The following AUTS2 variants were observed in gnomAD, a reference collection of about 807,000 sequenced individuals.
The protein encoded by AUTS2 is autism susceptibility gene 2 protein.
In AUTS2, 17 loss-of-function variants were observed where a neutral mutation model predicts 112.4. That is an observed-to-expected ratio of 0.15 (90% CI 0.10 to 0.23). The LOEUF is 0.23. AUTS2 is among the 10% of genes least tolerant of loss of function. AUTS2 has a pLI of 1.00. For synonymous variants in AUTS2, 751 were observed against 702.7 expected, an observed-to-expected ratio of 1.07 and a Z score of -1.09; for missense variants, 1,510 against 1,701.6, an observed-to-expected ratio of 0.89 and a Z score of 1.98.
At chr7:70,147,858 C>T (rs1467311477) in intron 4 of AUTS2, among the ~76,000 whole-genome samples, 1 of 152,060 alleles carries the variant, frequency 6.6e-6, no homozygotes, top group Non-Finnish European at 1.5e-5. Flanking sequence ...CTCTAGAAGT[C>T]TTCACTCAGC....
intron 2 of AUTS2, among the ~76,000 whole-genome samples, chr7:69,998,018 C>A (rs1253875676): frequency 1.3e-5 from 2 of 152,066 alleles, no homozygotes; most frequent in African/African-American, 2.4e-5. Flanking sequence ...GGCAGTGAAA[C>A]CCTTTGGTAT....
chr7:70,076,356 G>A (rs1379078625), intron 2 of AUTS2, among the ~76,000 whole-genome samples: 1 of 152,124 alleles, frequency 6.6e-6, no homozygotes, highest in Non-Finnish European at 1.5e-5. Flanking sequence ...TAAGCAAAAT[G>A]ATATATAATG....
At chr7:69,850,286 C>T (rs1465560275) in intron 1 of AUTS2, among the ~76,000 whole-genome samples, 1 of 150,542 alleles carries the variant, frequency 6.6e-6, no homozygotes, top group Non-Finnish European at 1.5e-5. Flanking sequence ...CAGGGTGACA[C>T]TCTGTCTCAA....
intron 1 of AUTS2, among the ~76,000 whole-genome samples, chr7:69,834,965 C>T (rs1009913994): frequency 3.0e-4 from 46 of 151,924 alleles, no homozygotes; most frequent in African/African-American, 1.1e-3. Context: ...TCCGTTTTCT[C>T]TGTACTCCAT....
At chr7:70,633,610 CAA>C (rs71870928) in intron 5 of AUTS2, among the ~76,000 whole-genome samples, 32 of 104,860 alleles carry the variant, frequency 3.1e-4, no homozygotes, top group Non-Finnish European at 2.6e-4. Context: ...GACTCCGTCT[CAA>C]AAAAAAAAAA....
chr7:70,553,543 G>C (rs1801102179), intron 5 of AUTS2, among the ~76,000 whole-genome samples: 1 of 152,098 alleles, frequency 6.6e-6, no homozygotes, highest in African/African-American at 2.4e-5. Context: ...GCCAAGTGTT[G>C]ACTCTGTCTT....
intron 2 of AUTS2, among the ~76,000 whole-genome samples, chr7:70,051,543 C>T (rs1214097372): frequency 1.3e-5 from 2 of 152,014 alleles, no homozygotes; most frequent in Non-Finnish European, 2.9e-5. Context: ...ATGATGAAAC[C>T]CCTTCTCTAC....
chr7:69,679,160 C>G (rs1379681684), intron 1 of AUTS2, among the ~76,000 whole-genome samples: 1 of 152,200 alleles, frequency 6.6e-6, no homozygotes, highest in Non-Finnish European at 1.5e-5. Flanking sequence ...TTGTGACTGG[C>G]CAAGGCCAGA....
intron 1 of AUTS2, among the ~76,000 whole-genome samples, chr7:69,672,348 T>A (rs1019463525): frequency 2.0e-5 from 3 of 152,202 alleles, no homozygotes; most frequent in Non-Finnish European, 1.5e-5. Context: ...TGTGAGCCAC[T>A]GTGCCCTGCT....
intron 4 of AUTS2, among the ~76,000 whole-genome samples, chr7:70,205,370 AAC>A (rs1810518901): frequency 6.6e-6 from 1 of 152,172 alleles, no homozygotes; most frequent in South Asian, 2.1e-4. Flanking sequence ...TCTGTTTGAC[AAC>A]TTATGAAACT....
intron 2 of AUTS2, among the ~76,000 whole-genome samples, chr7:69,973,775 G>A (rs1274033085): frequency 6.6e-6 from 1 of 152,014 alleles, no homozygotes; most frequent in East Asian, 1.9e-4. Flanking sequence ...TGCAAGCCTG[G>A]AAAAAGTTCT....
intron 2 of AUTS2, among the ~76,000 whole-genome samples, chr7:70,044,508 G>T (rs961737418): frequency 6.6e-6 from 1 of 152,004 alleles, no homozygotes; most frequent in East Asian, 1.9e-4. Flanking sequence ...ATAATCCAGC[G>T]TGTGTTAGAT....
At chr7:70,088,797 A>T (rs1156355846) in intron 2 of AUTS2, among the ~76,000 whole-genome samples, 3 of 151,882 alleles carry the variant, frequency 2.0e-5, no homozygotes, top group Non-Finnish European at 4.4e-5. Flanking sequence ...TATTTTTAGT[A>T]GAGACGGGGT....
At chr7:70,312,707 C>T (rs988862945) in intron 4 of AUTS2, among the ~76,000 whole-genome samples, 1 of 152,244 alleles carries the variant, frequency 6.6e-6, no homozygotes, top group Non-Finnish European at 1.5e-5. Context: ...GTCCAAAGTA[C>T]TTCAAGGGTC....
chr7:70,722,044 T>A (rs1786714030), intron 6 of AUTS2, among the ~76,000 whole-genome samples: 1 of 152,160 alleles, frequency 6.6e-6, no homozygotes, highest in South Asian at 2.1e-4. Flanking sequence ...GCTTTTTTTT[T>A]TCTTTCATTT....
At chr7:69,627,510 C>A (rs370431367) in intron 1 of AUTS2, among the ~76,000 whole-genome samples, 2 of 151,428 alleles carry the variant, frequency 1.3e-5, no homozygotes, top group Non-Finnish European at 2.9e-5. Context: ...CCCAAAAAAA[C>A]AAACAAAAAA....
chr7:70,008,760 T>G, intron 2 of AUTS2, among the ~76,000 whole-genome samples: 1 of 152,254 alleles, frequency 6.6e-6, no homozygotes, highest in East Asian at 1.9e-4. Context: ...TTGCTGTTAA[T>G]ATCACAGCCG....
intron 4 of AUTS2, among the ~76,000 whole-genome samples, chr7:70,316,033 A>G (rs1789979466): frequency 1.3e-5 from 2 of 152,228 alleles, no homozygotes; most frequent in South Asian, 4.1e-4. Flanking sequence ...AAAGGCAAAA[A>G]TGGTTGATGC....
intron 2 of AUTS2, among the ~76,000 whole-genome samples, chr7:70,069,369 T>C (rs533639504): frequency 4.6e-5 from 7 of 152,366 alleles, no homozygotes; most frequent in African/African-American, 1.7e-4. Context: ...CATTCATTTA[T>C]TGAGCACTTG....
Sources: allele counts gnomAD v4.1 joint callset (sites outside exome capture counted in the v4.1 genomes callset), GRCh38; gene constraint gnomAD v4.1.1; transcripts MANE v1.5; gene names NCBI Gene and HGNC (gene_info 2026-07-23, HGNC 2026-07-21).